The following RNF4 variants were observed in gnomAD, a reference collection of about 807,000 sequenced individuals.
The protein encoded by RNF4 is ring finger protein 4.
A neutral mutation model predicts 24.3 loss-of-function variants in RNF4; 7 were observed. The observed-to-expected ratio is 0.29, with a 90% CI of 0.16 to 0.54. The LOEUF is 0.54. Ranked by LOEUF, RNF4 falls within the 20% of genes least tolerant of loss-of-function variation. The pLI is 0.95. For synonymous variants in RNF4, 83 were observed against 84.3 expected (o/e 0.98, Z 0.09); for missense variants, 209 against 248.5 (o/e 0.84, Z 1.07).
At chr4:2,510,853 G>A (rs1041406232) in intron 4 of RNF4, among the ~76,000 whole-genome samples, 3 of 152,332 alleles carry the variant, frequency 2.0e-5, no homozygotes, top group East Asian at 3.8e-4. Flanking sequence ...AACTGTTGGA[G>A]CAGAAATTGT....
intron 1 of RNF4, among the ~76,000 whole-genome samples, chr4:2,488,481 A>T (rs1021365954): frequency 1.6e-4 from 25 of 152,150 alleles, no homozygotes; most frequent in African/African-American, 2.2e-4. Context: ...AACAAAAAAA[A>T]ACTGAGTGGG....
intron 3 of RNF4, among the ~76,000 whole-genome samples, chr4:2,498,127 A>G (rs1261902929): frequency 6.6e-6 from 1 of 152,144 alleles, no homozygotes; most frequent in Non-Finnish European, 1.5e-5. Context: ...GGCACTTGTC[A>G]TCCTCTAGGC....
At chr4:2,480,661 A>C (rs1735219641) in intron 1 of RNF4, 1 of 152,134 alleles carries the variant, frequency 6.6e-6, no homozygotes, top group Admixed American at 6.5e-5. Context: ...AGTATTTGAT[A>C]AGTTATGTTT....
intron 2 of RNF4, among the ~76,000 whole-genome samples, chr4:2,495,824 T>C (rs926001185): frequency 3.3e-5 from 5 of 152,056 alleles, no homozygotes; most frequent in African/African-American, 1.2e-4. Flanking sequence ...TAGAGACGGG[T>C]TTCACCGTGT....
rs1261024819 is a variant in RNF4, at chr4:2,515,497, T to G, written c.*1678T>G. 2.6e-5 allele frequency: 4 copies of G among 152,352 alleles called. No homozygotes were observed. Among genetic ancestry groups the G allele is most frequent in the Non-Finnish European group, 5.9e-5 (4 of 68,044 alleles). The allele number at this position is 152,352 out of a possible 1,614,324, so 9.4% of individuals were successfully genotyped here. On this transcript the variant is annotated 3_prime_UTR_variant, in exon 8 of 8. Transcript: ENST00000314289. ...AACTTTCTTCTGGGCATCACGGCAA[T>G]GTCACGATGCCCAGACTTGGAGCAA...
chr4:2,473,627 TGGTGAA>T (rs1734978275), intron 1 of RNF4, among the ~76,000 whole-genome samples: 1 of 144,106 alleles, frequency 6.9e-6, no homozygotes, highest in Non-Finnish European at 1.6e-5. Flanking sequence ...CCTGGCCAGA[TGGTGAA>T]ACCCCGTCTC....
At position 2,512,979 on chromosome 4, in the gene RNF4, G is replaced by T; in HGVS notation, c.375-104G>T. 2 of 1,122,960 alleles carry T rather than the reference G, an allele frequency of 1.8e-6. No homozygotes were observed. Among genetic ancestry groups the T allele is most frequent in the Non-Finnish European group, 2.7e-6 (2 of 740,428 alleles). The allele number at this position is 1,122,960 out of a possible 1,614,324, so 69.6% of individuals were successfully genotyped here. ...GCCCGCGCTAAGGCAGAGTCAGGAG[G>T]CCAGGGACGGGACTCTTGTAGGGGA... On this transcript the variant is annotated intron_variant, in intron 6 of 7. Coordinates refer to ENST00000314289, the MANE Select transcript of RNF4 (RefSeq NM_002938.5). This position sits in a 1 kb window ranked among gnomAD's most constrained non-coding sequence, Gnocchi z 4.1.
intron 1 of RNF4, chr4:2,479,849 T>A (rs547826377): frequency 6.6e-6 from 1 of 152,314 alleles, no homozygotes; most frequent in East Asian, 1.9e-4. Context: ...TCTCTGAAAT[T>A]ATTTTTTTCT....
chr4:2,484,265 A>G (rs952460934), intron 1 of RNF4, among the ~76,000 whole-genome samples: 1 of 151,844 alleles, frequency 6.6e-6, no homozygotes, highest in Non-Finnish European at 1.5e-5. Flanking sequence ...GACTGGCTGC[A>G]GAGTTACGAT....
chr4:2,475,934 A>G (rs1040610275), intron 1 of RNF4, among the ~76,000 whole-genome samples: 1 of 152,154 alleles, frequency 6.6e-6, no homozygotes, highest in South Asian at 2.1e-4. Context: ...TTGTTATGTC[A>G]TCTGCTTTTT....
chr4:2,470,297 A>G (rs1734863648), intron 1 of RNF4, among the ~76,000 whole-genome samples: 1 of 152,328 alleles, frequency 6.6e-6, no homozygotes, highest in Non-Finnish European at 1.5e-5. Flanking sequence ...TTTTGAATTC[A>G]TTGACCAGGA....
At position 2,512,942 on chromosome 4, in the gene RNF4, A is replaced by G. The variant is rs1460224724; in HGVS notation, c.375-141A>G. 6.0e-6 allele frequency: 5 copies of G among 829,874 alleles called. No individual in the cohort carries two copies. Among genetic ancestry groups the G allele is most frequent in the African/African-American group, 3.4e-5 (2 of 59,126 alleles). The allele number at this position is 829,874 out of a possible 1,614,324, so 51.4% of individuals were successfully genotyped here. On this transcript the variant is annotated intron_variant, in intron 6 of 7. Coordinates refer to ENST00000314289, the MANE Select transcript of RNF4 (RefSeq NM_002938.5). The surrounding 1 kb of genome is among the most constrained non-coding windows in gnomAD (Gnocchi z 4.1). ...CCTTGGGGCAGTTGGCTTTCCTGAA[A>G]GTCTCTCGGATGCCCGCGCTAAGGC...
chr4:2,510,149 A>G (rs1229306969), intron 4 of RNF4, among the ~76,000 whole-genome samples: 1 of 152,174 alleles, frequency 6.6e-6, no homozygotes, highest in Non-Finnish European at 1.5e-5. Context: ...CCTCAAATCA[A>G]AGACCTTTAT....
At chr4:2,511,110 C>A (rs1736260877) in intron 4 of RNF4, among the ~76,000 whole-genome samples, 2 of 152,258 alleles carry the variant, frequency 1.3e-5, no homozygotes, top group African/African-American at 4.8e-5. Context: ...GCCCCTAGTG[C>A]TGTCTAAATG....
Position 2,488,175 on chromosome 4 carries a change from G to A in RNF4, c.-157-2162G>A, listed in dbSNP as rs556946128. 2.0e-5 allele frequency among the ~76,000 whole-genome samples: 3 copies of A among 152,288 alleles called. No homozygotes were observed. The South Asian group carries it at 6.2e-4, about 32-fold the overall frequency. ...GGTATGCATCCTTTCTTAAAGCTGGGTGGGAGGACAGACGTGGTGGCTCAT... is the reference window on the plus strand; with the variant it reads ...GGTATGCATCCTTTCTTAAAGCTGGATGGGAGGACAGACGTGGTGGCTCAT... On this transcript the variant is annotated intron_variant, in intron 1 of 7. Transcript: ENST00000314289.
In RNF4 at chr4:2,513,732, C is replaced by T; in HGVS notation, c.486C>T (p.Cys162=). Residue 162 remains cysteine, a synonymous_variant, in exon 8 of 8, where the codon TGC becomes TGT. Transcript: ENST00000314289. ...TECGHVFCSQ[C]LRDSLKNANT... is the part of the protein sequence containing the mutation. ...GCGGCCATGTCTTCTGTAGCCAGTG[C>T]CTCCGTGATTCCCTGAAGAATGCTA... 3.1e-6 allele frequency: 5 copies of T among 1,613,940 alleles called. No individual in the cohort carries two copies. The highest frequency in any genetic ancestry group is 4.2e-6 in the Non-Finnish European group (5 of 1,179,892).
chr4:2,490,371 A>G lies in RNF4; in HGVS notation c.-123A>G, dbSNP rs1735543138. 8.7e-6 allele frequency: 8 copies of G among 918,988 alleles called. No homozygotes were observed. In the South Asian group the frequency reaches 1.1e-4, roughly 13 times the overall value. 56.9% of individuals were successfully genotyped at this position (918,988 alleles called of 1,614,324 possible). On this transcript the variant is annotated 5_prime_UTR_variant, in exon 2 of 8. Transcript: ENST00000314289. The stretch of plus-strand genomic sequence containing the variant: ...ATACTGGAAATCTGTCCGGATCCAA[A>G]TTATTTTGCAAGCCAGATGAGTAAC...
chr4:2,497,984 T>C (rs1300222777), intron 3 of RNF4, among the ~76,000 whole-genome samples: 1 of 152,176 alleles, frequency 6.6e-6, no homozygotes, highest in African/African-American at 2.4e-5. Flanking sequence ...ATAAATTTCA[T>C]GGGCCCCCCA....
intron 4 of RNF4, among the ~76,000 whole-genome samples, chr4:2,504,303 C>T (rs1294701356): frequency 1.3e-5 from 2 of 152,068 alleles, no homozygotes; most frequent in Non-Finnish European, 2.9e-5. Context: ...TGGATAAATG[C>T]CAGACTTTTC....
Sources: gnomAD v4.1 joint callset for allele counts (sites outside exome capture counted in the v4.1 genomes callset) on GRCh38, gnomAD v4.1.1 for gene constraint, Gnocchi (gnomAD v3.1) non-coding constraint, MANE v1.5 for transcripts, NCBI Gene and HGNC (gene_info 2026-07-23, HGNC 2026-07-21) for gene names.